LAMA4: variants seen among roughly 807,000 people sequenced by gnomAD.
The protein encoded by LAMA4 is laminin subunit alpha 4, also known as laminin subunit alpha-4.
A neutral mutation model predicts 207.1 loss-of-function variants in LAMA4; 127 were observed. The ratio of observed to expected loss-of-function variants is 0.61; its 90% CI spans 0.53 to 0.71. The LOEUF (loss-of-function observed/expected upper bound fraction) is 0.71. LAMA4 is among the 30% of genes least tolerant of loss of function. The probability of loss-of-function intolerance (pLI) is 0.00; values close to 1 mark genes in which losing one functional copy is unlikely to be tolerated. For synonymous variants in LAMA4, 761 were observed against 816.0 expected (o/e 0.93, Z 1.15); for missense variants, 2,093 against 2,246.5 (o/e 0.93, Z 1.38).
chr6:112,156,942 G>T (rs12200170), intron 14 of LAMA4, among the ~76,000 whole-genome samples: 41,141 of 151,372 alleles, frequency 0.27, 5,642 homozygotes, highest in East Asian at 0.34. Flanking sequence ...TTTTCAATCA[G>T]AAGGAAAAAA....
chr6:112,139,632 T>C (rs1779565157), intron 23 of LAMA4, 120 bp downstream of exon 23: 2 of 1,173,918 alleles, frequency 1.7e-6, no homozygotes, highest in Non-Finnish European at 1.3e-6. Context: ...ATGACTTATG[T>C]AGTTTCAAAA....
In LAMA4 at chr6:112,134,590, T is replaced by A. The variant is rs377528058; in HGVS notation, c.3434A>T (p.Asn1145Ile). Residue 1145 changes from asparagine (N) to isoleucine (I), a missense_variant, in exon 26 of 39, where the codon AAT (asparagine) becomes ATT (isoleucine). Asn to Ile is a moderately radical substitution (Grantham distance 149). This residue lies in a region of LAMA4 where 1,704 missense variants were observed against 1,788.4 expected (regional missense o/e 0.95). Coordinates refer to ENST00000230538, the MANE Select transcript of LAMA4 (RefSeq NM_001105206.3). The stretch of plus-strand genomic sequence containing the variant: ...AACTACCAAGATCATTTTCTTATCA[T>A]TGTGGTAAATGATTGAGATCTGGGA... ...KYHEISIIYH[N>I]DKKMILVVDR... 1 of 1,609,158 alleles carries A rather than the reference T, an allele frequency of 6.2e-7. No homozygotes were observed.
chr6:112,151,033 T>C (rs957174753), intron 16 of LAMA4, among the ~76,000 whole-genome samples: 2 of 152,126 alleles, frequency 1.3e-5, no homozygotes, highest in East Asian at 3.9e-4. Context: ...TTAATTGCAA[T>C]ATAACATACA....
In LAMA4 at chr6:112,175,428, C is replaced by A. The variant is rs782518180; in HGVS notation, c.1242G>T (p.Lys414Asn). The A allele has an allele frequency of 3.1e-6, 5 of 1,614,172 alleles. No individual in the cohort carries two copies. The Admixed American group carries it at 8.3e-5, about 27-fold the overall frequency. ...CCAACACCAGCTTCTCAGAGATTTC[C>A]TTGGGGCTAAGTTCATGCTCTTCCC... is the stretch of plus-strand genomic sequence containing the variant. ...YYGEEHELSP[K>N]EISEKLVLAQ... The change falls in exon 11 of 39, where the codon AAG becomes AAT. Residue 414 changes from lysine to asparagine, a missense_variant. Coordinates refer to ENST00000230538, the MANE Select transcript of LAMA4 (RefSeq NM_001105206.3).
At chr6:112,250,525 G>A (rs1787365835) in intron 2 of LAMA4, among the ~76,000 whole-genome samples, 1 of 152,162 alleles carries the variant, frequency 6.6e-6, no homozygotes, top group Non-Finnish European at 1.5e-5. Flanking sequence ...GAGGTTTCTA[G>A]GAGAGAAATT....
intron 9 of LAMA4, among the ~76,000 whole-genome samples, chr6:112,181,530 CAT>C (rs1420997244): frequency 6.6e-6 from 1 of 152,188 alleles, no homozygotes; most frequent in East Asian, 1.9e-4. Flanking sequence ...TATCTGTTCT[CAT>C]AGTACTTACC....
intron 5 of LAMA4, among the ~76,000 whole-genome samples, chr6:112,198,973 C>A (rs917840089): frequency 3.3e-5 from 5 of 152,154 alleles, no homozygotes. Context: ...GGGTGGGTCA[C>A]AAAGTGGTGG....
intron 10 of LAMA4, among the ~76,000 whole-genome samples, chr6:112,176,127 CT>C (rs1190446974): frequency 6.6e-6 from 1 of 152,174 alleles, no homozygotes; most frequent in African/African-American, 2.4e-5. Context: ...TGTTTGCCTT[CT>C]AGAGCGTGAC....
In LAMA4 at chr6:112,163,650, A is replaced by C. The variant is rs1781215023; in HGVS notation, c.1668+1510T>G. On this transcript the variant is annotated intron_variant, in intron 13 of 38. Coordinates refer to ENST00000230538, the MANE Select transcript of LAMA4 (RefSeq NM_001105206.3). ...ACGGCCGAGTATAGGGGACAGTGGG[A>C]GTCTGGGAGGTAGAAACAGCAATGA... 4.6e-5 allele frequency among the ~76,000 whole-genome samples: 7 copies of C among 152,254 alleles called. No individual in the cohort carries two copies. In the South Asian group the frequency reaches 1.5e-3, roughly 32 times the overall value.
chr6:112,157,015 A>G (rs905932534), intron 14 of LAMA4, among the ~76,000 whole-genome samples: 2 of 152,034 alleles, frequency 1.3e-5, no homozygotes, highest in Non-Finnish European at 2.9e-5. Context: ...TAAAGGTTTT[A>G]CTTTTTCTAT....
At chr6:112,133,623 A>G in intron 26 of LAMA4, 136 bp from the exon 27 acceptor site, 1 of 1,096,310 alleles carries the variant, frequency 9.1e-7, no homozygotes, top group South Asian at 1.3e-5. Flanking sequence ...GCTTTCTTTG[A>G]TAGGCACACA....
intron 34 of LAMA4, 134 bp downstream of exon 34, chr6:112,119,022 G>T: frequency 1.2e-6 from 1 of 863,982 alleles, no homozygotes; most frequent in Non-Finnish European, 1.9e-6. Context: ...TACTTACTTT[G>T]ATATCCCATT....
At chr6:112,196,585 G>A (rs1783431703) in intron 5 of LAMA4, 1 of 152,202 alleles carries the variant, frequency 6.6e-6, no homozygotes, top group African/African-American at 2.4e-5. Context: ...CTACTGGGAT[G>A]AGGATGAGAA....
At chr6:112,216,524 T>C in intron 2 of LAMA4, 55 bp from the exon 3 acceptor site, 1 of 1,208,692 alleles carries the variant, frequency 8.3e-7, no homozygotes, top group Non-Finnish European at 1.2e-6. Flanking sequence ...TTTTGGTCAA[T>C]ATTTTCTGAG....
chr6:112,114,867 T>C (rs113041629), intron 36 of LAMA4, 111 bp from the exon 37 acceptor site: 1 of 790,800 alleles, frequency 1.3e-6, no homozygotes, highest in Non-Finnish European at 2.1e-6. Context: ...TATTCACACA[T>C]GATTAGCTTT....
intron 5 of LAMA4, among the ~76,000 whole-genome samples, chr6:112,197,127 T>C (rs1022374615): frequency 6.6e-6 from 1 of 152,212 alleles, no homozygotes; most frequent in South Asian, 2.1e-4. Flanking sequence ...ACCCAGTAAG[T>C]ACTTAATAAA....
rs540342276 is a variant in LAMA4, at chr6:112,182,053, C to CG, written c.1077+3183dup. Among the ~76,000 whole-genome samples the CG allele has an allele frequency of 2.7e-4, 41 of 151,986 alleles. No homozygotes were observed. The East Asian group carries it at 6.6e-3, about 24-fold the overall frequency. ...CAGAGGTTGCAGTGAGCCGAGATTG[C>CG]GCCACTGCACACCAGCCTAGATGAC... On this transcript the variant is annotated intron_variant, in intron 9 of 38. Coordinates refer to ENST00000230538, the MANE Select transcript of LAMA4 (RefSeq NM_001105206.3).
rs1554325217 is a variant in LAMA4, at chr6:112,119,205, G to T, written c.4772C>A (p.Pro1591His). The part of the protein sequence containing the change: ...PTEATWKIKG[P>H]IYLGGVAPGK... Reference sequence around the variant, plus strand: ...AGGAGCCACACCTCCCAAATAAATGGGACCCTTGATTTTCCAGGTAGCTTC... The same window carrying T: ...AGGAGCCACACCTCCCAAATAAATGTGACCCTTGATTTTCCAGGTAGCTTC... Residue 1591 changes from proline (P) to histidine (H), a missense_variant, in exon 34 of 39, where the codon CCC (proline) becomes CAC (histidine). By Grantham distance (77) the Pro-to-His change is moderately conservative. This residue lies in a region of LAMA4 where 383 missense variants were observed against 437.8 expected (regional missense o/e 0.87). Transcript: ENST00000230538. 1 of 1,613,984 alleles carries T rather than the reference G, an allele frequency of 6.2e-7. No homozygotes were observed. The highest frequency in any genetic ancestry group is 1.7e-5 in the Admixed American group (1 of 59,994).
At chr6:112,217,624 A>AC (rs1273977575) in intron 2 of LAMA4, 1 of 152,376 alleles carries the variant, frequency 6.6e-6, no homozygotes, top group Non-Finnish European at 1.5e-5. Flanking sequence ...TTTAAAAAAA[A>AC]ACACACACAT....
Sources: gnomAD v4.1 joint callset for allele counts (sites outside exome capture counted in the v4.1 genomes callset) on GRCh38, gnomAD v4.1.1 for gene constraint, gnomAD v4.1.1 regional missense constraint, MANE v1.5 for transcripts, NCBI Gene and HGNC (gene_info 2026-07-23, HGNC 2026-07-21) for gene names.